Variants in KIF26A observed in about 807,000 individuals in gnomAD.
KIF26A encodes kinesin-like protein KIF26A.
In KIF26A, 74 loss-of-function variants were observed where a neutral mutation model predicts 126.0. The ratio of observed to expected loss-of-function variants is 0.59; its 90% CI spans 0.49 to 0.71. The LOEUF (loss-of-function observed/expected upper bound fraction) is 0.71, where lower values mean the gene tolerates loss of function less well. Ranked by LOEUF, KIF26A falls within the 30% of genes least tolerant of loss-of-function variation. The probability of loss-of-function intolerance (pLI) is 0.00; values close to 1 mark genes in which losing one functional copy is unlikely to be tolerated. For missense variants in KIF26A, 2,984 were observed against 2,763.3 expected (o/e 1.08, Z -1.79); for synonymous variants, 1,445 against 1,232.7 (o/e 1.17, Z -3.61).
At position 104,177,910 on chromosome 14, in the gene KIF26A, G is replaced by A; in HGVS notation, c.5110+12G>A. 2 of 1,506,860 alleles carry A rather than the reference G, an allele frequency of 1.3e-6. No individual in the cohort carries two copies. Among genetic ancestry groups the A allele is most frequent in the Non-Finnish European group, 1.8e-6 (2 of 1,136,292 alleles). 93.3% of individuals were successfully genotyped at this position (1,506,860 alleles called of 1,614,324 possible). On this transcript the variant is annotated intron_variant, in intron 12 of 14. Coordinates refer to ENST00000423312, the MANE Select transcript of KIF26A (RefSeq NM_015656.2). ...GAAGAGGGCCACAGGTGGGTGCAGA[G>A]GTGCACAGCCCTCTACAGTTTACGG...
intron 11 of KIF26A, 32 bp downstream of exon 11, chr14:104,174,342 G>A (rs1443606139): frequency 6.1e-6 from 9 of 1,484,682 alleles, no homozygotes; most frequent in Non-Finnish European, 8.1e-6. Context: ...CCCCATCTCG[G>A]GGCCGTCTCG....
Position 104,152,057 on chromosome 14 carries a change from C to T in KIF26A, c.331C>T (p.Pro111Ser). Reference protein sequence around the residue: ...SALLLDKLPAPGALPACRPEA... With the variant: ...SALLLDKLPASGALPACRPEA... The stretch of plus-strand genomic sequence containing the variant: ...CCTGCTTCTCGACAAGCTACCAGCA[C>T]CTGGGGCCCTGCCAGCCTGTCGCCC... Residue 111 changes from proline (P) to serine (S), a missense_variant, in exon 3 of 15, where the codon CCT (proline) becomes TCT (serine). By Grantham distance (74) the Pro-to-Ser change is moderately conservative. Transcript: ENST00000423312. This position sits in a 1 kb window ranked among gnomAD's most constrained non-coding sequence, Gnocchi z 5.9. 6.2e-7 allele frequency: 1 copy of T among 1,612,628 alleles called. No homozygotes were observed. Among genetic ancestry groups the T allele is most frequent in the Non-Finnish European group, 8.5e-7 (1 of 1,179,792 alleles).
Position 104,178,539 on chromosome 14 carries a change from C to G in KIF26A, c.5111-11C>G, listed in dbSNP as rs774055943. 1.4e-6 allele frequency: 2 copies of G among 1,449,150 alleles called. No homozygotes were observed. Among genetic ancestry groups the G allele is most frequent in the Non-Finnish European group, 1.8e-6 (2 of 1,098,888 alleles). 89.8% of individuals were successfully genotyped at this position (1,449,150 alleles called of 1,614,324 possible). A position where few individuals can be genotyped will look rare whatever the true frequency, so the allele number is the denominator to read the frequency against. On this transcript the variant is annotated splice_polypyrimidine_tract_variant and intron_variant, in intron 12 of 14. Coordinates refer to ENST00000423312, the MANE Select transcript of KIF26A (RefSeq NM_015656.2). ...GCCTCTGTTCACCCTGTGCCCGGCT[C>G]TCCGTTCCAGGTCTGCAGCGGCGGC...
intron 3 of KIF26A, among the ~76,000 whole-genome samples, chr14:104,154,426 C>T (rs563049674): frequency 4.6e-5 from 7 of 152,312 alleles, no homozygotes; most frequent in South Asian, 4.1e-4. Flanking sequence ...GGGCCTCCTG[C>T]GGCCACAGGT....
chr14:104,173,191 C>T lies in KIF26A; in HGVS notation c.1635C>T (p.Thr545=). ...TGGCCCCTGGCAGCCTCCAGGACAC[C>T]CAGTCTCCGGGAGTGTACCTGCGGG... ...AEVAPGSLQD[T]QSPGVYLRED... Residue 545 remains threonine, a synonymous_variant, in exon 8 of 15, where the codon ACC becomes ACT. Transcript: ENST00000423312. The T allele has an allele frequency of 6.2e-7, 1 of 1,611,786 alleles. No homozygotes were observed. The highest frequency in any genetic ancestry group is 8.5e-7 in the Non-Finnish European group (1 of 1,179,450).
rs983899684 is a variant in KIF26A at position 104,167,003 on chromosome 14, C to T, written c.1068C>T (p.Leu356=). 7 of 1,581,990 alleles carry T rather than the reference C, an allele frequency of 4.4e-6. No individual in the cohort carries two copies. The highest frequency in any genetic ancestry group is 4.0e-5 in the African/African-American group (3 of 74,372). The change falls in exon 5 of 15, where the codon CTC becomes CTT. Residue 356 remains leucine, a synonymous_variant. Transcript: ENST00000423312. ...LWPPPAPPCL[L]RAASKTKDNP... is the part of the protein sequence containing the mutation. ...CGCCCCCGGCGCCCCCCTGCCTGCT[C>T]AGGGCCGCCTCCAAGACCAAGGACA...
chr14:104,170,488 C>T (rs564229592), intron 5 of KIF26A, among the ~76,000 whole-genome samples: 71 of 152,340 alleles, frequency 4.7e-4, no homozygotes, highest in Non-Finnish European at 7.6e-4. Flanking sequence ...CCAATTTTGC[C>T]GGCGTTATGT....
rs763797627 is a variant in KIF26A, at chr14:104,177,559, G to A, written c.4771G>A (p.Gly1591Ser). Residue 1591 changes from glycine (G) to serine (S), a missense_variant, in exon 12 of 15, where the codon GGC (glycine) becomes AGC (serine). Gly to Ser is a moderately conservative substitution (Grantham distance 56). Coordinates refer to ENST00000423312, the MANE Select transcript of KIF26A (RefSeq NM_015656.2). Reference protein sequence around the residue: ...SSWGSADSDSGHDSGVNVGEE... With the variant: ...SSWGSADSDSSHDSGVNVGEE... ...GTGGGGCTCGGCGGACTCAGACAGC[G>A]GCCATGACAGCGGCGTGAACGTGGG... is the stretch of plus-strand genomic sequence containing the variant. 5.2e-6 allele frequency: 8 copies of A among 1,537,408 alleles called. 1 individual carries two copies. In the East Asian group the frequency reaches 7.3e-5, roughly 14 times the overall value.
chr14:104,143,148 C>T lies in KIF26A; in HGVS notation c.288+3860C>T, dbSNP rs532968108. On this transcript the variant is annotated intron_variant, in intron 2 of 14. Coordinates refer to ENST00000423312, the MANE Select transcript of KIF26A (RefSeq NM_015656.2). The stretch of plus-strand genomic sequence containing the variant: ...AAATGATCAATTCTCATTTAGCTCC[C>T]GTGCATCTCTTGCTTATCCAGGCAG... 1.5e-4 allele frequency among the ~76,000 whole-genome samples: 23 copies of T among 152,376 alleles called. No homozygotes were observed. In the South Asian group the frequency reaches 2.5e-3, roughly 16 times the overall value.
chr14:104,169,915 CAG>C (rs1596145890), intron 5 of KIF26A, among the ~76,000 whole-genome samples: 1 of 152,184 alleles, frequency 6.6e-6, no homozygotes, highest in East Asian at 1.9e-4. Flanking sequence ...GCAGTAATGA[CAG>C]GGTTCTCTTT....
In KIF26A at chr14:104,177,073, G is replaced by A; in HGVS notation, c.4285G>A (p.Ala1429Thr). Residue 1429 changes from alanine to threonine, a missense_variant, in exon 12 of 15, where the codon GCA becomes ACA. Transcript: ENST00000423312. The stretch of plus-strand genomic sequence containing the variant: ...GGCCCGGGCCAGCAAGGTAGAAGCA[G>A]CACACCGTCTTGCCGGACACGCGTC... ...LKARASKVEA[A>T]HRLAGHASLE... 6.3e-7 allele frequency: 1 copy of A among 1,593,946 alleles called. No individual in the cohort carries two copies. The highest frequency in any genetic ancestry group is 8.5e-7 in the Non-Finnish European group (1 of 1,178,032).
rs1040619415 is a variant in KIF26A, at chr14:104,148,499, G to A, written c.289-3516G>A. On this transcript the variant is annotated intron_variant, in intron 2 of 14. Coordinates refer to ENST00000423312, the MANE Select transcript of KIF26A (RefSeq NM_015656.2). The surrounding 1 kb of genome is among the most constrained non-coding windows in gnomAD (Gnocchi z 4.3). ...TTCAGATTCCTGAAATTGGGGGGCAGTAACCCGTTGGGGGCTTGGGCCAGA... is the reference window on the plus strand; with the variant it reads ...TTCAGATTCCTGAAATTGGGGGGCAATAACCCGTTGGGGGCTTGGGCCAGA... Among the ~76,000 whole-genome samples, 6 of 152,110 alleles carry A rather than the reference G, an allele frequency of 3.9e-5. No individual in the cohort carries two copies. Among genetic ancestry groups the A allele is most frequent in the African/African-American group, 1.4e-4 (6 of 41,414 alleles).
At chr14:104,178,795 G>A (rs2038066593) in intron 13 of KIF26A, 40 bp downstream of exon 13, 1 of 1,202,576 alleles carries the variant, frequency 8.3e-7, no homozygotes, top group South Asian at 1.5e-5. Context: ...ACCCCTGGTG[G>A]GGAGCCTGCC....
Position 104,174,291 on chromosome 14 carries a change from T to C in KIF26A, c.2174T>C (p.Leu725Pro). Residue 725 changes from leucine (L) to proline (P), a missense_variant, in exon 11 of 15, where the codon CTG (leucine) becomes CCG (proline). Physicochemically the swap from Leu to Pro is moderately conservative, Grantham distance 98 (BLOSUM62 -3). Transcript: ENST00000423312. ...TVQLAARIHRLRRKKAKYASS... is the reference protein window; with the variant it reads ...TVQLAARIHRPRRKKAKYASS... Reference sequence around the variant, plus strand: ...CAGCTCGCCGCCCGCATCCACCGCCTGCGCAGGAAGAAGGCCAAGGTGCTC... The same window carrying C: ...CAGCTCGCCGCCCGCATCCACCGCCCGCGCAGGAAGAAGGCCAAGGTGCTC... The C allele has an allele frequency of 6.4e-7, 1 of 1,550,820 alleles. No individual in the cohort carries two copies. Among genetic ancestry groups the C allele is most frequent in the African/African-American group, 1.4e-5 (1 of 72,438 alleles).
In KIF26A at chr14:104,139,200, G is replaced by A; in HGVS notation, c.200G>A (p.Gly67Asp). Residue 67 changes from glycine (G) to aspartate (D), a missense_variant, in exon 2 of 15, where the codon GGC (glycine) becomes GAC (aspartate). By Grantham distance (94) the Gly-to-Asp change is moderately conservative. Transcript: ENST00000423312. ...GAGCAGGGCCACTCGGCCGGCGGAG[G>A]CGGCTGGTGCCGCCACTGCCACACG... ...GPEQGHSAGG[G>D]GWCRHCHTKL... 1 of 1,549,250 alleles carries A rather than the reference G, an allele frequency of 6.5e-7. No individual in the cohort carries two copies. The highest frequency in any genetic ancestry group is 2.5e-5 in the East Asian group (1 of 40,662).
intron 4 of KIF26A, among the ~76,000 whole-genome samples, chr14:104,164,535 G>A (rs1368262235): frequency 6.6e-6 from 1 of 152,140 alleles, no homozygotes; most frequent in African/African-American, 2.4e-5. Context: ...AGGTGGGGTG[G>A]GTGGGCCACA....
intron 5 of KIF26A, among the ~76,000 whole-genome samples, chr14:104,169,120 A>G (rs964115261): frequency 2.6e-5 from 4 of 152,188 alleles, no homozygotes; most frequent in African/African-American, 9.7e-5. Flanking sequence ...GAGACAGGGC[A>G]GGTGGGTGCT....
rs1002165969 is a variant in KIF26A, at chr14:104,177,580, G to A, written c.4792G>A (p.Val1598Met). Reference sequence around the variant, plus strand: ...CAGCGGCCATGACAGCGGCGTGAACGTGGGGGAGGAGCGGCCACCCACGGG... The same window carrying A: ...CAGCGGCCATGACAGCGGCGTGAACATGGGGGAGGAGCGGCCACCCACGGG... ...SDSGHDSGVN[V>M]GEERPPTGPA... Residue 1598 changes from valine (V) to methionine (M), a missense_variant, in exon 12 of 15, where the codon GTG (valine) becomes ATG (methionine). Physicochemically the swap from Val to Met is conservative, Grantham distance 21. Transcript: ENST00000423312. 20 of 1,534,682 alleles carry A rather than the reference G, an allele frequency of 1.3e-5. No homozygotes were observed. Among genetic ancestry groups the A allele is most frequent in the East Asian group, 9.8e-5 (4 of 40,836 alleles).
intron 4 of KIF26A, among the ~76,000 whole-genome samples, chr14:104,158,698 T>C (rs970384463): frequency 6.6e-6 from 1 of 151,756 alleles, no homozygotes; most frequent in Admixed American, 6.6e-5. Context: ...CGACTGGTGG[T>C]GTGGATGGGG....
Sources: gnomAD v4.1 joint callset for allele counts (sites outside exome capture counted in the v4.1 genomes callset) on GRCh38, gnomAD v4.1.1 for gene constraint, Gnocchi (gnomAD v3.1) non-coding constraint, MANE v1.5 for transcripts, NCBI Gene and HGNC (gene_info 2026-07-23, HGNC 2026-07-21) for gene names.